Variants in RBM20 observed in about 807,000 individuals in gnomAD.
RBM20 encodes RNA-binding protein 20.
Under a neutral mutation model 110.1 loss-of-function variants are expected in RBM20, and 51 were observed. The observed-to-expected ratio is 0.46, with a 90% confidence interval of 0.37 to 0.59. The LOEUF is 0.59. Ranked by LOEUF, RBM20 falls within the 20% of genes least tolerant of loss-of-function variation. The probability of loss-of-function intolerance (pLI) is 0.00; values close to 1 mark genes in which losing one functional copy is unlikely to be tolerated. For synonymous variants in RBM20, 589 were observed against 618.2 expected, an observed-to-expected ratio of 0.95 and a Z score of 0.70; for missense variants, 1,512 against 1,574.9, an observed-to-expected ratio of 0.96 and a Z score of 0.68.
chr10:110,835,679 C>A, intron 13 of RBM20, 189 bp from the exon 14 acceptor site: 1 of 492,786 alleles, frequency 2.0e-6, no homozygotes, highest in East Asian at 3.5e-5. Flanking sequence ...TACTTGCAAG[C>A]TAACATAATG....
At chr10:110,748,695 C>T (rs1051774839) in intron 1 of RBM20, among the ~76,000 whole-genome samples, 5 of 152,170 alleles carry the variant, frequency 3.3e-5, no homozygotes, top group African/African-American at 4.8e-5. Flanking sequence ...CTCTCTCTCT[C>T]GCTCTCTGTG....
chr10:110,673,326 C>T (rs1340383409), intron 1 of RBM20, among the ~76,000 whole-genome samples: 1 of 152,114 alleles, frequency 6.6e-6, no homozygotes, highest in Admixed American at 6.5e-5. Context: ...ATTCTCCTGC[C>T]TCAGCTTCCC....
chr10:110,697,056 CTT>C (rs1862675431), intron 1 of RBM20, among the ~76,000 whole-genome samples: 1 of 152,216 alleles, frequency 6.6e-6, no homozygotes, highest in Admixed American at 6.5e-5. Context: ...AGGAAAAAAA[CTT>C]ATCCTGTAGA....
chr10:110,757,286 G>C (rs1031086523), intron 1 of RBM20, among the ~76,000 whole-genome samples: 1 of 152,160 alleles, frequency 6.6e-6, no homozygotes, highest in African/African-American at 2.4e-5. Context: ...TTTGTACTCA[G>C]CTTGTTATGA....
In RBM20 at chr10:110,781,266, T is replaced by G. The variant is rs1292489695; in HGVS notation, c.657T>G (p.Thr219=). ...QPAVILGIGK[T]GPAPATAGFY... ...CAGTCATCTTGGGCATTGGCAAGACTGGGCCTGCTCCAGCTACAGCAGGAT... is the reference window on the plus strand; with the variant it reads ...CAGTCATCTTGGGCATTGGCAAGACGGGGCCTGCTCCAGCTACAGCAGGAT... The change falls in exon 2 of 14, where the codon ACT becomes ACG. Residue 219 remains threonine (T), a synonymous_variant. Coordinates refer to ENST00000369519, the MANE Select transcript of RBM20 (RefSeq NM_001134363.3). 1 of 1,551,558 alleles carries G rather than the reference T, an allele frequency of 6.4e-7. No homozygotes were observed. The highest frequency in any genetic ancestry group is 1.4e-5 in the African/African-American group (1 of 73,056).
At position 110,781,521 on chromosome 10, in the gene RBM20, GA is replaced by G; in HGVS notation, c.916del (p.Ser306ValfsTer94). ...GFPAEQAGGL[K>X]SEVGPLLQGT... ...TTCCAGCTGAGCAGGCTGGGGGCCT[GA>G]AAAGTGAGGTCGGGCCACTGCTGCA... On this transcript the variant is annotated frameshift_variant, in exon 2 of 14. Transcript: ENST00000369519. LOFTEE classifies it high-confidence loss of function. The G allele has an allele frequency of 6.4e-7, 1 of 1,551,610 alleles. No individual in the cohort carries two copies. Among genetic ancestry groups the G allele is most frequent in the Non-Finnish European group, 8.7e-7 (1 of 1,146,984 alleles).
intron 1 of RBM20, among the ~76,000 whole-genome samples, chr10:110,771,836 G>T (rs1319985062): frequency 6.6e-6 from 1 of 152,200 alleles, no homozygotes; most frequent in East Asian, 1.9e-4. Flanking sequence ...CACTGGGCCA[G>T]GATTGATCTA....
At chr10:110,646,733 C>T (rs1276691046) in intron 1 of RBM20, among the ~76,000 whole-genome samples, 7 of 152,228 alleles carry the variant, frequency 4.6e-5, no homozygotes, top group Non-Finnish European at 8.8e-5. Context: ...TATTTTGAAA[C>T]TGCATTTGCA....
At chr10:110,716,229 C>T (rs183626363) in intron 1 of RBM20, among the ~76,000 whole-genome samples, 5 of 152,204 alleles carry the variant, frequency 3.3e-5, no homozygotes, top group Non-Finnish European at 5.9e-5. Context: ...GGGGCAGAAG[C>T]AGTCCCCTTA....
At chr10:110,815,189 A>G (rs1844823256) in intron 9 of RBM20, among the ~76,000 whole-genome samples, 1 of 152,224 alleles carries the variant, frequency 6.6e-6, no homozygotes, top group African/African-American at 2.4e-5. Context: ...TTAGGATCTG[A>G]TTTCTGCAAC....
rs780367353 is a variant in RBM20, at chr10:110,644,570, G to A, written c.116G>A (p.Arg39Gln). The A allele has an allele frequency of 3.6e-5, 55 of 1,526,554 alleles. No individual in the cohort carries two copies. The highest frequency in any genetic ancestry group is 2.4e-5 in the Non-Finnish European group (27 of 1,140,376). The allele number at this position is 1,526,554 out of a possible 1,614,324, so 94.6% of individuals were successfully genotyped here. A position where few individuals can be genotyped will look rare whatever the true frequency, so the allele number is the denominator to read the frequency against. The change falls in exon 1 of 14, where the codon CGA becomes CAA. Residue 39 changes from arginine to glutamine, a missense_variant. Transcript: ENST00000369519. This position sits in a 1 kb window ranked among gnomAD's most constrained non-coding sequence, Gnocchi z 4.3. ...ARASPAPSGP[R>Q]GMQQPPPPPQ... ...GCGTCCCCGGCACCCTCCGGCCCGC[G>A]AGGGATGCAGCAGCCGCCGCCGCCG... is the stretch of plus-strand genomic sequence containing the variant.
intron 1 of RBM20, among the ~76,000 whole-genome samples, chr10:110,752,578 T>C (rs1284935081): frequency 6.6e-6 from 1 of 152,230 alleles, no homozygotes; most frequent in Non-Finnish European, 1.5e-5. Flanking sequence ...AGAAGATTTC[T>C]GGATATAGAT....
chr10:110,792,554 A>T (rs1564847695), intron 5 of RBM20, among the ~76,000 whole-genome samples: 1 of 152,196 alleles, frequency 6.6e-6, no homozygotes, highest in East Asian at 1.9e-4. Context: ...TAACTGGCCC[A>T]CAGTTAGTCA....
At chr10:110,820,885 G>A (rs1233294413) in intron 10 of RBM20, among the ~76,000 whole-genome samples, 1 of 152,158 alleles carries the variant, frequency 6.6e-6, no homozygotes, top group Non-Finnish European at 1.5e-5. Flanking sequence ...GGGTGCTTGG[G>A]GGGAATTTTG....
Position 110,781,744 on chromosome 10 carries a change from G to A in RBM20, c.1135G>A (p.Gly379Arg), listed in dbSNP as rs199842148. ...CAGCAAACAGGGTTTTATCGGTGCTGGGCGGAGGGCCAAGGAGGACCAGGC... is the reference window on the plus strand; with the variant it reads ...CAGCAAACAGGGTTTTATCGGTGCTAGGCGGAGGGCCAAGGAGGACCAGGC... ...NNSKQGFIGA[G>R]RRAKEDQALL... The change falls in exon 2 of 14, where the codon GGG becomes AGG. Residue 379 changes from glycine (G) to arginine (R), a missense_variant. Gly to Arg is a moderately radical substitution (Grantham distance 125). This residue lies in a region of RBM20 where 1,149 missense variants were observed against 1,169.4 expected (regional missense o/e 0.98). Transcript: ENST00000369519. The A allele has an allele frequency of 2.0e-4, 306 of 1,551,880 alleles. 1 individual carries two copies. The South Asian group carries it at 2.8e-3, about 14-fold the overall frequency.
rs576996722 is a variant in RBM20 at position 110,740,510 on chromosome 10, G to A, written c.192-40291G>A. Among the ~76,000 whole-genome samples, 305 of 152,156 alleles carry A rather than the reference G, an allele frequency of 2.0e-3. 3 individuals are homozygous for A. The highest frequency in any genetic ancestry group is 3.4e-3 in the Middle Eastern group (1 of 292). On this transcript the variant is annotated intron_variant, in intron 1 of 13. Transcript: ENST00000369519. ...GGGCAGGAGAGCTAGTGGGAGCCAG[G>A]TGTGTGGAGCTGCCTTTCACAGAAC...
At chr10:110,783,890 A>G (rs1394167207) in intron 3 of RBM20, among the ~76,000 whole-genome samples, 1 of 152,212 alleles carries the variant, frequency 6.6e-6, no homozygotes, top group Non-Finnish European at 1.5e-5. Flanking sequence ...TCATTAAGTA[A>G]TCACTCCCTA....
chr10:110,784,444 C>T lies in RBM20; in HGVS notation c.1429+12C>T, dbSNP rs1472992680. 6.5e-7 allele frequency: 1 copy of T among 1,546,052 alleles called. No individual in the cohort carries two copies. The highest frequency in any genetic ancestry group is 1.2e-5 in the South Asian group (1 of 83,878). ...TGCTGGGAATGAAGGTGAGCAAGGC[C>T]CTACAGGTCAGCAGCTTGAAGCAGA... On this transcript the variant is annotated intron_variant, in intron 4 of 13. Transcript: ENST00000369519.
intron 1 of RBM20, among the ~76,000 whole-genome samples, chr10:110,645,268 C>T (rs1239742190): frequency 2.0e-5 from 3 of 152,118 alleles, no homozygotes; most frequent in Non-Finnish European, 4.4e-5. Flanking sequence ...CTTCCCAATG[C>T]TTGAGAAGGT....
Sources: allele counts gnomAD v4.1 joint callset (sites outside exome capture counted in the v4.1 genomes callset), GRCh38; gene constraint gnomAD v4.1.1; regional missense constraint gnomAD v4.1.1; non-coding constraint Gnocchi (gnomAD v3.1); transcripts MANE v1.5; gene names NCBI Gene and HGNC (gene_info 2026-07-23, HGNC 2026-07-21).